The following GLCCI1 variants were observed in gnomAD, a reference collection of about 807,000 sequenced individuals.
The protein encoded by GLCCI1 is glucocorticoid-induced transcript 1 protein.
A neutral mutation model predicts 52.2 loss-of-function variants in GLCCI1; 24 were observed. The ratio of observed to expected loss-of-function variants is 0.46; its 90% CI spans 0.33 to 0.65. The LOEUF is 0.65. GLCCI1 is among the 30% of genes least tolerant of loss of function. The pLI is 0.02. For synonymous variants in GLCCI1, 310 were observed against 276.5 expected (o/e 1.12, Z -1.20); for missense variants, 704 against 701.5 (o/e 1.00, Z -0.04).
In GLCCI1 at chr7:7,973,880, G is replaced by A. The variant is rs193183302; in HGVS notation, c.457+4073G>A. Among the ~76,000 whole-genome samples the A allele has an allele frequency of 1.2e-4, 18 of 151,926 alleles. 1 individual carries two copies. The highest frequency in any genetic ancestry group is 1.0e-3 in the Admixed American group (16 of 15,272). On this transcript the variant is annotated intron_variant, in intron 1 of 7. Coordinates refer to ENST00000223145, the MANE Select transcript of GLCCI1 (RefSeq NM_138426.4). ...TCTTTTTAAGTCATTTTTATACTGT[G>A]CTCAATGGAATACAAAAAATTTTAA...
intron 3 of GLCCI1, among the ~76,000 whole-genome samples, chr7:8,030,082 G>C (rs1781712134): frequency 6.6e-6 from 1 of 152,058 alleles, no homozygotes; most frequent in African/African-American, 2.4e-5. Flanking sequence ...ACCCAGAATA[G>C]CCAAAGCTGT....
chr7:8,051,288 T>C (rs1421539365), intron 3 of GLCCI1, among the ~76,000 whole-genome samples: 6 of 152,232 alleles, frequency 3.9e-5, no homozygotes, highest in Admixed American at 3.3e-4. Flanking sequence ...GGTCTTCTAT[T>C]TTCCGGTAGC....
chr7:8,003,441 T>A (rs1323420561), intron 1 of GLCCI1, among the ~76,000 whole-genome samples: 1 of 152,176 alleles, frequency 6.6e-6, no homozygotes, highest in African/African-American at 2.4e-5. Flanking sequence ...GGCATTGAGG[T>A]ATATGGCACC....
chr7:7,990,546 A>G (rs77834423), intron 1 of GLCCI1, among the ~76,000 whole-genome samples: 6,061 of 152,194 alleles, frequency 0.04, 185 homozygotes, highest in Non-Finnish European at 0.059. Context: ...CTTCCTGGCA[A>G]TCTTTTATGC....
intron 1 of GLCCI1, among the ~76,000 whole-genome samples, chr7:7,982,486 C>G (rs1203642316): frequency 6.6e-6 from 1 of 152,092 alleles, no homozygotes; most frequent in Non-Finnish European, 1.5e-5. Context: ...CACATTTTTA[C>G]TCTTCTTTTA....
intron 3 of GLCCI1, among the ~76,000 whole-genome samples, chr7:8,027,670 G>C (rs1363145713): frequency 3.3e-5 from 5 of 151,376 alleles, no homozygotes; most frequent in Admixed American, 3.3e-4. Flanking sequence ...AAGACAACGA[G>C]TGGCTGAATG....
At chr7:7,977,580 C>T (rs953780483) in intron 1 of GLCCI1, among the ~76,000 whole-genome samples, 10 of 152,070 alleles carry the variant, frequency 6.6e-5, no homozygotes, top group Admixed American at 2.6e-4. Context: ...TCAGTTTTGA[C>T]ATTTGTCTTA....
Position 8,003,897 on chromosome 7 carries a change from A to G in GLCCI1, c.458-11A>G, listed in dbSNP as rs1341557137. The G allele has an allele frequency of 1.8e-5, 29 of 1,591,888 alleles. No homozygotes were observed. Among genetic ancestry groups the G allele is most frequent in the Non-Finnish European group, 2.3e-5 (27 of 1,171,922 alleles). On this transcript the variant is annotated splice_polypyrimidine_tract_variant and intron_variant, in intron 1 of 7. Coordinates refer to ENST00000223145, the MANE Select transcript of GLCCI1 (RefSeq NM_138426.4). ...TCACTAATGACTAATCTTTTTTTTC[A>G]CTTTCTGTAGCGGACAAGGCAAAAT... is the stretch of plus-strand genomic sequence containing the variant.
chr7:7,971,572 A>G lies in GLCCI1; in HGVS notation c.457+1765A>G, dbSNP rs144369021. ...TAAGAGAAGTTTCGGCAATTGCTGC[A>G]ACAACATAATGGCCATCTAGTACCT... On this transcript the variant is annotated intron_variant, in intron 1 of 7. Coordinates refer to ENST00000223145, the MANE Select transcript of GLCCI1 (RefSeq NM_138426.4). 1.4e-4 allele frequency among the ~76,000 whole-genome samples: 22 copies of G among 152,328 alleles called. No homozygotes were observed. In the East Asian group the frequency reaches 4.2e-3, roughly 29 times the overall value.
intron 2 of GLCCI1, among the ~76,000 whole-genome samples, chr7:8,020,528 G>C (rs1043516187): frequency 6.6e-6 from 1 of 152,150 alleles, no homozygotes; most frequent in African/African-American, 2.4e-5. Context: ...TGCTGTTGGC[G>C]TGCTTGCCAG....
chr7:8,083,434 G>A (rs555617548), intron 6 of GLCCI1, among the ~76,000 whole-genome samples: 71 of 152,176 alleles, frequency 4.7e-4, no homozygotes, highest in African/African-American at 1.6e-3. Flanking sequence ...AGCTTAAATA[G>A]GGCAGCAAAT....
chr7:8,036,868 AAAAT>A (rs1447079681), intron 3 of GLCCI1, among the ~76,000 whole-genome samples: 5 of 152,306 alleles, frequency 3.3e-5, no homozygotes, highest in East Asian at 1.9e-4. Context: ...AGAATTTTGA[AAAAT>A]AAAGCCTTTG....
intron 2 of GLCCI1, among the ~76,000 whole-genome samples, chr7:8,019,887 G>T (rs1400097679): frequency 2.6e-5 from 4 of 152,154 alleles, no homozygotes; most frequent in Non-Finnish European, 5.9e-5. Context: ...GCTCCAATTG[G>T]GTCAGTGAGC....
intron 3 of GLCCI1, among the ~76,000 whole-genome samples, chr7:8,040,293 C>G (rs542902066): frequency 1.3e-5 from 2 of 152,078 alleles, no homozygotes; most frequent in African/African-American, 4.8e-5. Context: ...CAAGACCAGC[C>G]TGAGCAACAT....
At chr7:8,061,193 G>A (rs962269542) in intron 5 of GLCCI1, among the ~76,000 whole-genome samples, 11 of 150,676 alleles carry the variant, frequency 7.3e-5, no homozygotes, top group Admixed American at 2.7e-4. Context: ...TCTGCCTCCT[G>A]GGTTCACGCC....
In GLCCI1 at chr7:7,969,772, C is replaced by G; in HGVS notation, c.422C>G (p.Pro141Arg). The G allele has an allele frequency of 6.7e-7, 1 of 1,485,256 alleles. No individual in the cohort carries two copies. The highest frequency in any genetic ancestry group is 8.9e-7 in the Non-Finnish European group (1 of 1,122,178). 92.0% of individuals were successfully genotyped at this position (1,485,256 alleles called of 1,614,324 possible). A position where few individuals can be genotyped will look rare whatever the true frequency, so the allele number is the denominator to read the frequency against. ...SPESHRRSSS[P>R]ERRSPGSPVC... ...GAGAGCCACCGGAGGAGCAGCTCAC[C>G]TGAGAGACGGAGCCCCGGCTCGCCC... is the stretch of plus-strand genomic sequence containing the variant. The change falls in exon 1 of 8, where the codon CCT (proline) becomes CGT (arginine). Residue 141 changes from proline to arginine, a missense_variant. Pro to Arg is a moderately radical substitution (Grantham distance 103). Coordinates refer to ENST00000223145, the MANE Select transcript of GLCCI1 (RefSeq NM_138426.4). This position sits in a 1 kb window ranked among gnomAD's most constrained non-coding sequence, Gnocchi z 4.9.
At chr7:7,971,869 G>A (rs1467392985) in intron 1 of GLCCI1, among the ~76,000 whole-genome samples, 2 of 152,190 alleles carry the variant, frequency 1.3e-5, no homozygotes, top group African/African-American at 2.4e-5. Flanking sequence ...CTTGTGTTGG[G>A]AATGCAAGGG....
chr7:8,032,422 A>G (rs1426264589), intron 3 of GLCCI1, among the ~76,000 whole-genome samples: 2 of 151,998 alleles, frequency 1.3e-5, no homozygotes, highest in Non-Finnish European at 1.5e-5. Context: ...AAGCAAAACC[A>G]ATGAAACAGA....
intron 3 of GLCCI1, chr7:8,024,810 A>C (rs1395499465): frequency 6.6e-6 from 1 of 152,250 alleles, no homozygotes; most frequent in African/African-American, 2.4e-5. Flanking sequence ...ACTAATGAAC[A>C]TAGGGTAAGA....
Sources: allele counts gnomAD v4.1 joint callset (sites outside exome capture counted in the v4.1 genomes callset), GRCh38; gene constraint gnomAD v4.1.1; non-coding constraint Gnocchi (gnomAD v3.1); transcripts MANE v1.5; gene names NCBI Gene and HGNC (gene_info 2026-07-23, HGNC 2026-07-21).